DGKB: variants seen among roughly 807,000 people sequenced by gnomAD.
The protein encoded by DGKB is diacylglycerol kinase beta, also known as 90 kDa diacylglycerol kinase.
A neutral mutation model predicts 114.3 loss-of-function variants in DGKB; 67 were observed. The ratio of observed to expected loss-of-function variants is 0.59; its 90% CI spans 0.48 to 0.72. DGKB has a LOEUF of 0.72. Ranked by LOEUF, DGKB falls within the 30% of genes least tolerant of loss-of-function variation. The pLI is 0.00. For synonymous variants in DGKB, 398 were observed against 323.1 expected (o/e 1.23, Z -2.49); for missense variants, 907 against 975.2 (o/e 0.93, Z 0.93).
intron 23 of DGKB, among the ~76,000 whole-genome samples, chr7:14,188,804 T>A (rs544689551): frequency 5.9e-4 from 89 of 152,098 alleles, no homozygotes; most frequent in African/African-American, 2.0e-3. Flanking sequence ...TCAAGTCTCT[T>A]ATAAGGGAAT....
chr7:14,476,801 C>T (rs989145487), intron 21 of DGKB, among the ~76,000 whole-genome samples: 7 of 147,070 alleles, frequency 4.8e-5, no homozygotes, highest in African/African-American at 1.5e-4. Flanking sequence ...GTTGCCCAGG[C>T]TGGAGTGCAA....
At chr7:14,763,297 AC>A (rs951960664) in intron 2 of DGKB, among the ~76,000 whole-genome samples, 1 of 152,062 alleles carries the variant, frequency 6.6e-6, no homozygotes, top group Non-Finnish European at 1.5e-5. Flanking sequence ...TCCATGGGAC[AC>A]CCCATAATAA....
intron 23 of DGKB, among the ~76,000 whole-genome samples, chr7:14,300,465 C>T (rs1562877304): frequency 6.6e-6 from 1 of 151,992 alleles, no homozygotes; most frequent in Admixed American, 6.6e-5. Context: ...TTAAAATCAC[C>T]CAGTGTATCA....
chr7:14,792,432 C>T (rs1840794367), intron 2 of DGKB, among the ~76,000 whole-genome samples: 1 of 152,048 alleles, frequency 6.6e-6, no homozygotes, highest in South Asian at 2.1e-4. Context: ...CAGGGAAGGC[C>T]TGGGACTAGG....
chr7:14,221,791 C>A (rs1790018969), intron 23 of DGKB, among the ~76,000 whole-genome samples: 1 of 149,656 alleles, frequency 6.7e-6, no homozygotes, highest in African/African-American at 2.5e-5. Flanking sequence ...CCATCTGGGT[C>A]TTTGCTTTTC....
intron 13 of DGKB, among the ~76,000 whole-genome samples, chr7:14,659,067 C>G (rs1816473340): frequency 6.6e-6 from 1 of 151,890 alleles, no homozygotes; most frequent in Admixed American, 6.6e-5. Flanking sequence ...TTCTCCCTCC[C>G]CTAACCCCCT....
chr7:14,277,627 T>C (rs952167941), intron 23 of DGKB, among the ~76,000 whole-genome samples: 3 of 152,236 alleles, frequency 2.0e-5, no homozygotes, highest in African/African-American at 7.2e-5. Context: ...TAGTATTTTA[T>C]TGTATACATT....
intron 21 of DGKB, among the ~76,000 whole-genome samples, chr7:14,438,382 G>A (rs1029163829): frequency 1.1e-4 from 16 of 151,956 alleles, no homozygotes; most frequent in East Asian, 3.9e-4. Flanking sequence ...AGAATCCACC[G>A]AAAACATTTT....
At chr7:14,534,426 A>G in intron 20 of DGKB, among the ~76,000 whole-genome samples, 1 of 152,166 alleles carries the variant, frequency 6.6e-6, no homozygotes, top group Non-Finnish European at 1.5e-5. Context: ...AACAATGGAC[A>G]AAGTGGGAAC....
chr7:14,546,829 G>C (rs1014991846), intron 20 of DGKB, among the ~76,000 whole-genome samples: 3 of 152,168 alleles, frequency 2.0e-5, no homozygotes, highest in Non-Finnish European at 4.4e-5. Context: ...CCAGTGAAAT[G>C]AGTGAATATA....
At chr7:14,922,398 G>GTGTGTGTGTA (rs1784552830) in intron 1 of DGKB, among the ~76,000 whole-genome samples, 2 of 151,680 alleles carry the variant, frequency 1.3e-5, no homozygotes, top group African/African-American at 4.8e-5. Flanking sequence ...GTGTGTGTGT[G>GTGTGTGTGTA]TGTGTGTGTG....
intron 13 of DGKB, among the ~76,000 whole-genome samples, chr7:14,649,056 G>C (rs1466579405): frequency 1.5e-5 from 1 of 66,118 alleles, no homozygotes; most frequent in Non-Finnish European, 3.0e-5. Context: ...ATGGAACCAA[G>C]TTGGAAAACA....
chr7:14,494,885 A>C (rs1053936622), intron 20 of DGKB, among the ~76,000 whole-genome samples: 1 of 151,892 alleles, frequency 6.6e-6, no homozygotes, highest in African/African-American at 2.4e-5. Flanking sequence ...AATATATACA[A>C]TCCACGTGGA....
chr7:14,321,652 A>G (rs946877488), intron 23 of DGKB, among the ~76,000 whole-genome samples: 1 of 151,938 alleles, frequency 6.6e-6, no homozygotes, highest in African/African-American at 2.4e-5. Flanking sequence ...AGAAGGAATG[A>G]ACCATCATCA....
At chr7:14,271,060 G>C (rs941838429) in intron 23 of DGKB, among the ~76,000 whole-genome samples, 1 of 152,178 alleles carries the variant, frequency 6.6e-6, no homozygotes, top group African/African-American at 2.4e-5. Context: ...GGAGAACAGA[G>C]TTCTACAGAA....
At chr7:14,937,581 T>A (rs909095398) in intron 1 of DGKB, among the ~76,000 whole-genome samples, 1 of 152,182 alleles carries the variant, frequency 6.6e-6, no homozygotes, top group African/African-American at 2.4e-5. Flanking sequence ...AATCTTAGCA[T>A]CTGAAACACA....
chr7:14,503,970 T>C (rs1025477994), intron 20 of DGKB, among the ~76,000 whole-genome samples: 1 of 152,056 alleles, frequency 6.6e-6, no homozygotes, highest in Non-Finnish European at 1.5e-5. Flanking sequence ...CCTTAGAAAA[T>C]GAAAATGTAC....
intron 23 of DGKB, among the ~76,000 whole-genome samples, chr7:14,324,059 TAGTTA>T (rs765598557): frequency 8.5e-5 from 13 of 152,260 alleles, no homozygotes; most frequent in African/African-American, 2.6e-4. Context: ...ATCAAGACAT[TAGTTA>T]AGTTGAGGGA....
chr7:14,609,942 C>G (rs1174466229), intron 16 of DGKB, among the ~76,000 whole-genome samples: 1 of 152,018 alleles, frequency 6.6e-6, no homozygotes, highest in African/African-American at 2.4e-5. Flanking sequence ...ATTAGTTCAG[C>G]CATTGTAGAA....
Sources: gnomAD v4.1 joint callset for allele counts (sites outside exome capture counted in the v4.1 genomes callset) on GRCh38, gnomAD v4.1.1 for gene constraint, MANE v1.5 for transcripts, NCBI Gene and HGNC (gene_info 2026-07-23, HGNC 2026-07-21) for gene names.